Variants in WDR20 observed in about 807,000 individuals in gnomAD.
WDR20 encodes WD repeat domain 20.
A neutral mutation model predicts 38.7 loss-of-function variants in WDR20; 3 were observed. That is an observed-to-expected ratio of 0.08 (90% CI 0.04 to 0.20). The LOEUF (loss-of-function observed/expected upper bound fraction) is 0.20, where lower values mean the gene tolerates loss of function less well. Among genes scored for constraint, WDR20 ranks in the 10% least tolerant of loss-of-function variants. The pLI is 1.00. For synonymous variants in WDR20, 298 were observed against 285.6 expected (o/e 1.04, Z -0.44); for missense variants, 559 against 727.7 (o/e 0.77, Z 2.67).
intron 1 of WDR20, among the ~76,000 whole-genome samples, chr14:102,165,451 T>C (rs1447607778): frequency 6.6e-6 from 1 of 152,152 alleles, no homozygotes; most frequent in Non-Finnish European, 1.5e-5. Flanking sequence ...TTTTCTAGCT[T>C]ACTGAATTGA....
chr14:102,202,113 C>T (rs542136751), intron 2 of WDR20, among the ~76,000 whole-genome samples: 19 of 152,236 alleles, frequency 1.2e-4, no homozygotes, highest in African/African-American at 4.1e-4. Context: ...CCCTCCTCCC[C>T]TACGGTGTCC....
chr14:102,202,153 C>T (rs2060515237), intron 2 of WDR20, among the ~76,000 whole-genome samples: 1 of 151,986 alleles, frequency 6.6e-6, no homozygotes, highest in African/African-American at 2.4e-5. Flanking sequence ...TCTGCCCCCA[C>T]CCTGCTTCCC....
rs2063770069 is a variant in WDR20, at chr14:102,220,605, A to G, written c.1693-2225A>G. ...CGTGGTGGCAGGCGCCTGTAGTCCAAGGTACTTGGGAGGCTGAGGCAGGAG... is the reference window on the plus strand; with the variant it reads ...CGTGGTGGCAGGCGCCTGTAGTCCAGGGTACTTGGGAGGCTGAGGCAGGAG... On this transcript the variant is annotated intron_variant, in intron 3 of 3. Transcript: ENST00000335263. The surrounding 1 kb of genome is among the most constrained non-coding windows in gnomAD (Gnocchi z 4.2). 6.6e-6 allele frequency among the ~76,000 whole-genome samples: 1 copy of G among 151,724 alleles called. No homozygotes were observed. The highest frequency in any genetic ancestry group is 2.4e-5 in the African/African-American group (1 of 41,300).
At chr14:102,169,431 G>T (rs573722985) in intron 1 of WDR20, among the ~76,000 whole-genome samples, 1 of 152,198 alleles carries the variant, frequency 6.6e-6, no homozygotes, top group Non-Finnish European at 1.5e-5. Context: ...TACAAGAGGA[G>T]GGCTTTATCT....
At position 102,222,753 on chromosome 14, in the gene WDR20, T is replaced by G; in HGVS notation, c.1693-77T>G. ...AGCACCAGTTTTGACCACGTGGAGC[T>G]GCTGGCGGAGGGCGCGCATGGTGGC... On this transcript the variant is annotated intron_variant, in intron 3 of 3. Transcript: ENST00000335263. The surrounding 1 kb of genome is among the most constrained non-coding windows in gnomAD (Gnocchi z 4.4). The G allele has an allele frequency of 2.6e-6, 4 of 1,535,896 alleles. No individual in the cohort carries two copies. The East Asian group carries it at 6.7e-5, about 26-fold the overall frequency.
downstream of WDR20, chr14:102,213,308 T>C (rs1231966875): frequency 1.0e-6 from 1 of 985,330 alleles, no homozygotes; most frequent in East Asian, 1.1e-4. Context: ...TAAAAGCAAA[T>C]GCATGTGCAG....
At chr14:102,163,304 G>C (rs2152785715) in intron 1 of WDR20, among the ~76,000 whole-genome samples, 1 of 152,242 alleles carries the variant, frequency 6.6e-6, no homozygotes, top group Non-Finnish European at 1.5e-5. Context: ...CCAGCCATCA[G>C]AACCGTGAGC....
chr14:102,188,254 G>A (rs2065360053), intron 1 of WDR20, among the ~76,000 whole-genome samples: 1 of 152,188 alleles, frequency 6.6e-6, no homozygotes, highest in African/African-American at 2.4e-5. Flanking sequence ...TGACATGGCT[G>A]TTGCCTGTGA....
chr14:102,165,114 A>G (rs924302829), intron 1 of WDR20, among the ~76,000 whole-genome samples: 1 of 151,914 alleles, frequency 6.6e-6, no homozygotes, highest in African/African-American at 2.4e-5. Flanking sequence ...ACCTGTTTCC[A>G]GTCGTGGGTG....
In WDR20 at chr14:102,140,039, C is replaced by T. The variant is rs1043134652; in HGVS notation, c.116C>T (p.Pro39Leu). ...HSEYSRPNRV[P>L]FNSQGSNPVR... ...GAGTACAGCCGGCCCAACCGGGTGCCCTTCAACTCGCAGGGATCCAACCCT... is the reference window on the plus strand; with the variant it reads ...GAGTACAGCCGGCCCAACCGGGTGCTCTTCAACTCGCAGGGATCCAACCCT... Residue 39 changes from proline (P) to leucine (L), a missense_variant, in exon 1 of 3, where the codon CCC (proline) becomes CTC (leucine). Coordinates refer to ENST00000342702, the MANE Select transcript of WDR20 (RefSeq NM_144574.4). 6.2e-7 allele frequency: 1 copy of T among 1,614,096 alleles called. No homozygotes were observed. The highest frequency in any genetic ancestry group is 1.3e-5 in the African/African-American group (1 of 74,946).
At chr14:102,215,818 G>T (rs1258266289), downstream of WDR20, among the ~76,000 whole-genome samples, 1 of 152,172 alleles carries the variant, frequency 6.6e-6, no homozygotes, top group Non-Finnish European at 1.5e-5. Flanking sequence ...GGGATGAGAA[G>T]AACTCATGAT....
At chr14:102,158,391 G>C (rs2057928059) in intron 1 of WDR20, among the ~76,000 whole-genome samples, 1 of 152,024 alleles carries the variant, frequency 6.6e-6, no homozygotes, top group Admixed American at 6.6e-5. Flanking sequence ...TCTGCCTCCT[G>C]GGTTCAAGCG....
chr14:102,210,422 C>A lies in WDR20; in HGVS notation c.*542C>A. The A allele has an allele frequency of 1.0e-6, 1 of 985,384 alleles. No individual in the cohort carries two copies. Among genetic ancestry groups the A allele is most frequent in the Non-Finnish European group, 1.2e-6 (1 of 829,910 alleles). The allele number at this position is 985,384 out of a possible 1,614,324, so 61.0% of individuals were successfully genotyped here. ...GCAGGGTTGATTGATATTATTTTTA[C>A]ATTGTTCTGGCAATCCACAGAAAGA... On this transcript the variant is annotated 3_prime_UTR_variant, in exon 3 of 3. Transcript: ENST00000342702.
At chr14:102,158,345 T>A (rs2057915150) in intron 1 of WDR20, among the ~76,000 whole-genome samples, 1 of 152,152 alleles carries the variant, frequency 6.6e-6, no homozygotes, top group Non-Finnish European at 1.5e-5. Flanking sequence ...TTGCCCAGGC[T>A]GGAGTGCAAT....
At position 102,209,386 on chromosome 14, in the gene WDR20, G is replaced by A. The variant is rs770225080; in HGVS notation, c.1216G>A (p.Ala406Thr). The A allele has an allele frequency of 1.1e-5, 17 of 1,613,966 alleles. No individual in the cohort carries two copies. The East Asian group carries it at 3.8e-4, about 36-fold the overall frequency. The part of the protein sequence containing the change: ...RARTHTNVMN[A>T]TSPPAGSNGN... Reference sequence around the variant, plus strand: ...AAGGACACACACAAATGTCATGAATGCCACGAGTCCTCCTGCTGGAAGCAA... The same window carrying A: ...AAGGACACACACAAATGTCATGAATACCACGAGTCCTCCTGCTGGAAGCAA... Residue 406 changes from alanine to threonine, a missense_variant, in exon 3 of 3, where the codon GCC becomes ACC. By Grantham distance (58) the Ala-to-Thr change is moderately conservative. Transcript: ENST00000342702. The surrounding 1 kb of genome is among the most constrained non-coding windows in gnomAD (Gnocchi z 6.0).
chr14:102,194,661 G>A (rs1170801410), intron 1 of WDR20, among the ~76,000 whole-genome samples: 3 of 152,164 alleles, frequency 2.0e-5, no homozygotes, highest in African/African-American at 4.8e-5. Context: ...ATTTCCTGCT[G>A]AAGTCCAGGA....
At chr14:102,144,412 T>TC (rs2052773036) in intron 1 of WDR20, among the ~76,000 whole-genome samples, 1 of 149,776 alleles carries the variant, frequency 6.7e-6, no homozygotes, top group Non-Finnish European at 1.5e-5. Flanking sequence ...AACCCTGGAG[T>TC]CGGAGGTTGC....
At chr14:102,193,527 G>T (rs1458841639) in intron 1 of WDR20, 1 of 1,612,412 alleles carries the variant, frequency 6.2e-7, no homozygotes, top group Non-Finnish European at 8.5e-7. Flanking sequence ...GAGGCTGGGA[G>T]AGTGTCCGCA....
At chr14:102,173,030 G>A (rs1055808667) in intron 1 of WDR20, among the ~76,000 whole-genome samples, 3 of 150,752 alleles carry the variant, frequency 2.0e-5, no homozygotes, top group Non-Finnish European at 4.4e-5. Context: ...GGGCAGAGAC[G>A]CTCCTCACTT....
Sources: allele counts gnomAD v4.1 joint callset (sites outside exome capture counted in the v4.1 genomes callset), GRCh38; gene constraint gnomAD v4.1.1; non-coding constraint Gnocchi (gnomAD v3.1); transcripts MANE v1.5; gene names NCBI Gene and HGNC (gene_info 2026-07-23, HGNC 2026-07-21).